Variants in CDC14A observed in about 807,000 individuals in gnomAD.
CDC14A encodes the protein cell division cycle 14A, also known as dual specificity protein phosphatase CDC14A.
In CDC14A, 53 loss-of-function variants were observed where a neutral mutation model predicts 74.4. The observed-to-expected ratio is 0.71, with a 90% CI of 0.57 to 0.89. The LOEUF is 0.89. Ranked by LOEUF, CDC14A falls within the 40% of genes least tolerant of loss-of-function variation. The pLI, the probability that CDC14A is intolerant of heterozygous loss-of-function variation, is 0.00. For synonymous variants in CDC14A, 247 were observed against 258.4 expected, an observed-to-expected ratio of 0.96 and a Z score of 0.43; for missense variants, 646 against 713.7, an observed-to-expected ratio of 0.91 and a Z score of 1.08.
chr1:100,398,632 T>C lies in CDC14A; in HGVS notation c.309+7808T>C, dbSNP rs532110685. ...TAGGTTCTAGGGAATAAAATATATA[T>C]ACATATAAACAATGCCTAGCTTAAA... On this transcript the variant is annotated intron_variant, in intron 4 of 15. Transcript: ENST00000336454. 1.7e-4 allele frequency among the ~76,000 whole-genome samples: 26 copies of C among 152,282 alleles called. No individual in the cohort carries two copies. In the South Asian group the frequency reaches 4.1e-3, roughly 24 times the overall value.
At chr1:100,446,451 T>C (rs1264056496) in intron 7 of CDC14A, among the ~76,000 whole-genome samples, 2 of 152,180 alleles carry the variant, frequency 1.3e-5, no homozygotes, top group East Asian at 3.8e-4. Flanking sequence ...TGCAAAAGGT[T>C]ATATGCATCT....
chr1:100,436,421 AT>A (rs1168207537), intron 5 of CDC14A, among the ~76,000 whole-genome samples: 1,861 of 144,126 alleles, frequency 0.013, 47 homozygotes, highest in African/African-American at 0.044. Context: ...GTTGGTTATC[AT>A]TTTTTTTTTT....
chr1:100,447,295 A>G (rs772743780), intron 7 of CDC14A, among the ~76,000 whole-genome samples: 1 of 152,210 alleles, frequency 6.6e-6, no homozygotes, highest in South Asian at 2.1e-4. Flanking sequence ...TTAAGTATTG[A>G]TAAACAACAC....
At chr1:100,473,319 T>C (rs1324036969) in intron 10 of CDC14A, among the ~76,000 whole-genome samples, 1 of 152,154 alleles carries the variant, frequency 6.6e-6, no homozygotes, top group Non-Finnish European at 1.5e-5. Flanking sequence ...TTTTTAGCAA[T>C]TATAAATGGT....
At chr1:100,408,057 C>G (rs1660182721) in intron 4 of CDC14A, among the ~76,000 whole-genome samples, 1 of 152,158 alleles carries the variant, frequency 6.6e-6, no homozygotes, top group South Asian at 2.1e-4. Flanking sequence ...TTCTGTTCCT[C>G]TCCCTCTGCC....
intron 10 of CDC14A, among the ~76,000 whole-genome samples, chr1:100,480,055 T>C (rs1408426531): frequency 6.6e-6 from 1 of 152,204 alleles, no homozygotes; most frequent in African/African-American, 2.4e-5. Flanking sequence ...TGACTTTATA[T>C]ATGTTCACAA....
At chr1:100,443,059 C>A in intron 7 of CDC14A, 63 bp downstream of exon 7, 1 of 1,097,172 alleles carries the variant, frequency 9.1e-7, no homozygotes, top group Non-Finnish European at 1.4e-6. Flanking sequence ...TTCCCCCTGT[C>A]ACACTCATGT....
intron 7 of CDC14A, among the ~76,000 whole-genome samples, chr1:100,450,228 A>C (rs1318737879): frequency 6.6e-6 from 1 of 152,240 alleles, no homozygotes; most frequent in Non-Finnish European, 1.5e-5. Flanking sequence ...CTTGAGAAAT[A>C]GTAAAGTTTG....
At chr1:100,419,811 G>T (rs1228157644) in intron 4 of CDC14A, among the ~76,000 whole-genome samples, 1 of 151,870 alleles carries the variant, frequency 6.6e-6, no homozygotes, top group African/African-American at 2.4e-5. Flanking sequence ...TGTTCCAGTG[G>T]CAGCACCTAC....
chr1:100,378,902 T>C (rs753583844), intron 3 of CDC14A, among the ~76,000 whole-genome samples: 10 of 152,134 alleles, frequency 6.6e-5, no homozygotes, highest in East Asian at 1.9e-4. Flanking sequence ...AAAATAGAGG[T>C]TTTTGCAATC....
chr1:100,515,122 A>C (rs551588074), intron 15 of CDC14A, among the ~76,000 whole-genome samples: 43 of 152,238 alleles, frequency 2.8e-4, no homozygotes, highest in Non-Finnish European at 4.9e-4. Context: ...TTATCTATCT[A>C]ACCTGTCTAA....
At chr1:100,441,650 G>GTTT (rs35544438) in intron 6 of CDC14A, among the ~76,000 whole-genome samples, 5 of 138,464 alleles carry the variant, frequency 3.6e-5, no homozygotes, top group Non-Finnish European at 7.9e-5. Context: ...GATGAACTCA[G>GTTT]TTTTTTTTTT....
chr1:100,501,965 A>C (rs1179667767), intron 15 of CDC14A, among the ~76,000 whole-genome samples: 11 of 152,220 alleles, frequency 7.2e-5, no homozygotes, highest in Admixed American at 3.3e-4. Context: ...AGTTACACAT[A>C]CAATGCTTAT....
chr1:100,389,089 C>T (rs1050096555), intron 3 of CDC14A, among the ~76,000 whole-genome samples: 10 of 140,306 alleles, frequency 7.1e-5, no homozygotes, highest in African/African-American at 2.6e-4. Context: ...GTGAGAGGAT[C>T]GATTGAGGCT....
intron 2 of CDC14A, 79 bp from the exon 3 acceptor site, chr1:100,377,467 A>T: frequency 1.1e-6 from 1 of 896,720 alleles, no homozygotes; most frequent in Non-Finnish European, 1.8e-6. Context: ...AAATTTAATG[A>T]AATTAAAGAT....
intron 5 of CDC14A, among the ~76,000 whole-genome samples, chr1:100,437,846 G>A (rs899813442): frequency 6.6e-6 from 1 of 151,942 alleles, no homozygotes; most frequent in Non-Finnish European, 1.5e-5. Context: ...AAGAATAAGG[G>A]ATACCTCTAC....
At chr1:100,358,778 A>T (rs1652271124) in intron 2 of CDC14A, among the ~76,000 whole-genome samples, 1 of 152,224 alleles carries the variant, frequency 6.6e-6, no homozygotes. Flanking sequence ...GATTTCTTTT[A>T]TCTTGTCTAT....
intron 3 of CDC14A, 96 bp from the exon 4 acceptor site, chr1:100,390,636 T>C (rs1305697373): frequency 2.7e-6 from 2 of 754,552 alleles, no homozygotes; most frequent in East Asian, 2.6e-5. Flanking sequence ...TTATGGGTTG[T>C]AGCACATCTT....
rs1566216 is a variant in CDC14A at position 100,463,588 on chromosome 1, G to C, written c.838+707G>C. Among the ~76,000 whole-genome samples the C allele has an allele frequency of 9.7e-4, 148 of 152,288 alleles. 3 individuals carry two copies. In the South Asian group the frequency reaches 0.03, roughly 31 times the overall value. On this transcript the variant is annotated intron_variant, in intron 9 of 15. Transcript: ENST00000336454. ...ACAGGCTGCCTAATTAAATTTGAAA[G>C]TTAGATAAACAATGAATACTTTTAA...
Sources: allele counts gnomAD v4.1 joint callset (sites outside exome capture counted in the v4.1 genomes callset), GRCh38; gene constraint gnomAD v4.1.1; transcripts MANE v1.5; gene names NCBI Gene and HGNC (gene_info 2026-07-23, HGNC 2026-07-21).